LRRC8D: variants seen among roughly 807,000 people sequenced by gnomAD.
The protein encoded by LRRC8D is volume-regulated anion channel subunit LRRC8D.
LRRC8D carries 20 observed loss-of-function variants against 55.8 expected under a neutral mutation model. The ratio of observed to expected loss-of-function variants is 0.36; its 90% confidence interval spans 0.25 to 0.52. The LOEUF (loss-of-function observed/expected upper bound fraction) is 0.52. Ranked by LOEUF, LRRC8D falls within the 20% of genes least tolerant of loss-of-function variation. The probability of loss-of-function intolerance (pLI) is 0.93; values close to 1 mark genes in which losing one functional copy is unlikely to be tolerated. For missense variants in LRRC8D, 651 were observed against 1,030.8 expected (o/e 0.63, Z 5.05); for synonymous variants, 352 against 377.0 (o/e 0.93, Z 0.77).
At chr1:89,844,975 G>A (rs868721435) in intron 2 of LRRC8D, among the ~76,000 whole-genome samples, 10 of 152,274 alleles carry the variant, frequency 6.6e-5, no homozygotes, top group Non-Finnish European at 1.2e-4. Context: ...TGACTAGAGG[G>A]GAGGAAAGTG....
Position 89,911,538 on chromosome 1 carries a change from T to C in LRRC8D, c.-2-21529T>C, listed in dbSNP as rs1310352092. Among the ~76,000 whole-genome samples the C allele has an allele frequency of 6.6e-6, 1 of 152,210 alleles. No individual in the cohort carries two copies. The highest frequency in any genetic ancestry group is 1.9e-4 in the East Asian group (1 of 5,198). On this transcript the variant is annotated intron_variant, in intron 2 of 2. Coordinates refer to ENST00000337338, the MANE Select transcript of LRRC8D (RefSeq NM_001134479.2). This position sits in a 1 kb window ranked among gnomAD's most constrained non-coding sequence, Gnocchi z 4.0. Reference sequence around the variant, plus strand: ...ACATCTTGGTACTCTCTCACCCTGCTACTTCCAACTTTTACCCCTCTACTC... The same window carrying C: ...ACATCTTGGTACTCTCTCACCCTGCCACTTCCAACTTTTACCCCTCTACTC...
At chr1:89,913,769 C>G (rs1042005054) in intron 2 of LRRC8D, among the ~76,000 whole-genome samples, 5 of 152,190 alleles carry the variant, frequency 3.3e-5, no homozygotes, top group African/African-American at 1.2e-4. Flanking sequence ...CTTTCCTGCT[C>G]TCTTGTATTC....
chr1:89,880,502 A>G (rs1287038105), intron 2 of LRRC8D, among the ~76,000 whole-genome samples: 7 of 150,214 alleles, frequency 4.7e-5, no homozygotes, highest in Admixed American at 2.7e-4. Flanking sequence ...AGTGTTCTAC[A>G]TTCTGCAGAG....
chr1:89,858,962 A>G (rs185517725), intron 2 of LRRC8D, among the ~76,000 whole-genome samples: 2 of 152,334 alleles, frequency 1.3e-5, no homozygotes, highest in Admixed American at 1.3e-4. Flanking sequence ...TGTAAAAAGA[A>G]TTCATTCACA....
At chr1:89,861,171 G>A (rs1418378996) in intron 2 of LRRC8D, among the ~76,000 whole-genome samples, 2 of 152,090 alleles carry the variant, frequency 1.3e-5, no homozygotes, top group Non-Finnish European at 1.5e-5. Flanking sequence ...TACACAGTGT[G>A]TACATACCAT....
intron 2 of LRRC8D, among the ~76,000 whole-genome samples, chr1:89,925,748 A>AC (rs1663544848): frequency 6.6e-6 from 1 of 152,016 alleles, no homozygotes; most frequent in Non-Finnish European, 1.5e-5. Flanking sequence ...TGGTTGAAAT[A>AC]CCCCCCTGGT....
At chr1:89,870,002 G>A (rs1260933695) in intron 2 of LRRC8D, among the ~76,000 whole-genome samples, 1 of 152,020 alleles carries the variant, frequency 6.6e-6, no homozygotes, top group Non-Finnish European at 1.5e-5. Context: ...CAGCTACTCA[G>A]GAGGCTGAGG....
chr1:89,882,748 C>T (rs1291419886), intron 2 of LRRC8D, among the ~76,000 whole-genome samples: 1 of 152,138 alleles, frequency 6.6e-6, no homozygotes, highest in Non-Finnish European at 1.5e-5. Context: ...CAGAAATTGA[C>T]ATGTTGCTAT....
chr1:89,826,365 C>T lies in LRRC8D; in HGVS notation c.-148+5074C>T, dbSNP rs541315454. Among the ~76,000 whole-genome samples the T allele has an allele frequency of 3.2e-3, 484 of 152,026 alleles. 2 individuals are homozygous for T. Among genetic ancestry groups the T allele is most frequent in the Admixed American group, 7.8e-3 (119 of 15,264 alleles). On this transcript the variant is annotated intron_variant, in intron 1 of 2. Coordinates refer to ENST00000337338, the MANE Select transcript of LRRC8D (RefSeq NM_001134479.2). Reference sequence around the variant, plus strand: ...CTGCAAGCTCCGCCTCCCGGGTTCACGCCATTCTCCTGCCTCAGCCTCCCG... The same window carrying T: ...CTGCAAGCTCCGCCTCCCGGGTTCATGCCATTCTCCTGCCTCAGCCTCCCG...
chr1:89,888,979 G>T (rs148029206), intron 2 of LRRC8D, among the ~76,000 whole-genome samples: 4 of 152,186 alleles, frequency 2.6e-5, no homozygotes, highest in Non-Finnish European at 5.9e-5. Flanking sequence ...TCTCAAAGAA[G>T]TGGGTTATAA....
At chr1:89,871,712 G>A (rs1340332102) in intron 2 of LRRC8D, among the ~76,000 whole-genome samples, 2 of 152,064 alleles carry the variant, frequency 1.3e-5, no homozygotes, top group African/African-American at 4.8e-5. Context: ...TTATAAAACT[G>A]TTCGGTGATT....
At chr1:89,920,633 T>C (rs77357507) in intron 2 of LRRC8D, among the ~76,000 whole-genome samples, 6 of 151,698 alleles carry the variant, frequency 4.0e-5, no homozygotes, top group African/African-American at 1.5e-4. Flanking sequence ...TAGAGTATAT[T>C]GTATACTTGT....
At chr1:89,930,250 A>G (rs1663669855) in intron 2 of LRRC8D, among the ~76,000 whole-genome samples, 1 of 152,166 alleles carries the variant, frequency 6.6e-6, no homozygotes, top group African/African-American at 2.4e-5. Context: ...GCTGGAGTGC[A>G]GTGGTGTGAT....
chr1:89,838,541 T>C (rs1392982285), intron 1 of LRRC8D, among the ~76,000 whole-genome samples: 1 of 152,186 alleles, frequency 6.6e-6, no homozygotes, highest in East Asian at 1.9e-4. Context: ...AAATCAACAG[T>C]CATTAAATAA....
intron 1 of LRRC8D, among the ~76,000 whole-genome samples, chr1:89,824,879 A>ATG (rs1445075240): frequency 9.2e-5 from 14 of 152,340 alleles, no homozygotes; most frequent in South Asian, 2.1e-4. Context: ...ATGTCTACTT[A>ATG]CTGCACCTTA....
At chr1:89,838,949 G>A (rs762907113) in intron 1 of LRRC8D, among the ~76,000 whole-genome samples, 7 of 152,086 alleles carry the variant, frequency 4.6e-5, no homozygotes, top group Non-Finnish European at 1.0e-4. Context: ...AAAATCTGGC[G>A]AGGTGATGAG....
intron 2 of LRRC8D, among the ~76,000 whole-genome samples, chr1:89,872,111 C>T (rs577797898): frequency 6.6e-6 from 1 of 152,244 alleles, no homozygotes; most frequent in South Asian, 2.1e-4. Flanking sequence ...GAGTGTATTC[C>T]GTCTGCAACG....
At chr1:89,863,903 C>A (rs1023605789) in intron 2 of LRRC8D, among the ~76,000 whole-genome samples, 3 of 152,142 alleles carry the variant, frequency 2.0e-5, no homozygotes, top group African/African-American at 7.2e-5. Context: ...TGTGAATTTG[C>A]ATGGAGAGGT....
chr1:89,846,879 A>G (rs1312623874), intron 2 of LRRC8D, among the ~76,000 whole-genome samples: 1 of 152,182 alleles, frequency 6.6e-6, no homozygotes, highest in Admixed American at 6.5e-5. Flanking sequence ...AGAATTAAAA[A>G]ACCTCTTCTG....
Sources: allele counts gnomAD v4.1 joint callset (sites outside exome capture counted in the v4.1 genomes callset), GRCh38; gene constraint gnomAD v4.1.1; non-coding constraint Gnocchi (gnomAD v3.1); transcripts MANE v1.5; gene names NCBI Gene and HGNC (gene_info 2026-07-23, HGNC 2026-07-21).